SPAG16: variants seen among roughly 807,000 people sequenced by gnomAD.
SPAG16 encodes sperm associated antigen 16.
A neutral mutation model predicts 80.4 loss-of-function variants in SPAG16; 86 were observed. The observed-to-expected ratio is 1.07, with a 90% confidence interval of 0.90 to 1.28. The LOEUF (loss-of-function observed/expected upper bound fraction) is 1.28. Among genes scored for constraint, SPAG16 ranks in the 50% most tolerant of loss-of-function variants. The pLI is 0.00. For missense variants in SPAG16, 870 were observed against 765.3 expected (o/e 1.14, Z -1.61); for synonymous variants, 294 against 265.9 (o/e 1.11, Z -1.03).
At chr2:213,457,352 A>G (rs1274442521) in intron 9 of SPAG16, among the ~76,000 whole-genome samples, 1 of 152,196 alleles carries the variant, frequency 6.6e-6, no homozygotes, top group Non-Finnish European at 1.5e-5. Context: ...ATTTCTGTCT[A>G]TGTACTTCAG....
intron 15 of SPAG16, among the ~76,000 whole-genome samples, chr2:214,317,038 T>C (rs753364436): frequency 2.6e-5 from 4 of 152,164 alleles, no homozygotes; most frequent in Non-Finnish European, 4.4e-5. Context: ...AACAGTAACA[T>C]CCCCTTGTTA....
chr2:214,408,665 A>G (rs898831244), intron 15 of SPAG16, among the ~76,000 whole-genome samples: 3 of 152,178 alleles, frequency 2.0e-5, no homozygotes, highest in Non-Finnish European at 2.9e-5. Flanking sequence ...TAGAATTCTT[A>G]TTATAAAATG....
intron 9 of SPAG16, among the ~76,000 whole-genome samples, chr2:213,404,627 C>A (rs1384388235): frequency 6.6e-6 from 1 of 152,142 alleles, no homozygotes; most frequent in African/African-American, 2.4e-5. Flanking sequence ...CTAGGCAATA[C>A]CATTCAGGAC....
intron 10 of SPAG16, among the ~76,000 whole-genome samples, chr2:213,526,475 T>G (rs1214095941): frequency 6.6e-6 from 1 of 152,192 alleles, no homozygotes; most frequent in African/African-American, 2.4e-5. Context: ...TCTTTCCCCC[T>G]TGGAGATAGA....
chr2:214,363,386 T>G (rs979744848), intron 15 of SPAG16, among the ~76,000 whole-genome samples: 1 of 152,030 alleles, frequency 6.6e-6, no homozygotes, highest in Non-Finnish European at 1.5e-5. Context: ...AAGCAATATT[T>G]TCTCTTAGTT....
intron 15 of SPAG16, among the ~76,000 whole-genome samples, chr2:214,203,170 T>A (rs1464556648): frequency 1.3e-5 from 2 of 152,200 alleles, no homozygotes; most frequent in African/African-American, 4.8e-5. Flanking sequence ...GATAATTATA[T>A]CATGATAAAT....
At chr2:213,578,795 A>C (rs961427830) in intron 10 of SPAG16, among the ~76,000 whole-genome samples, 5 of 152,076 alleles carry the variant, frequency 3.3e-5, no homozygotes, top group Non-Finnish European at 5.9e-5. Context: ...GTTTTGAAAA[A>C]ATATTAAGGT....
rs574387798 is a variant in SPAG16, at chr2:214,220,781, G to A, written c.1720+71515G>A. Among the ~76,000 whole-genome samples the A allele has an allele frequency of 1.6e-4, 25 of 152,178 alleles. No individual in the cohort carries two copies. In the East Asian group the frequency reaches 4.4e-3, roughly 27 times the overall value. ...TTGAAGGGGCTTTTTTACTTAAAAC[G>A]TAATAAAATTAACATGGTTAAAATA... On this transcript the variant is annotated intron_variant, in intron 15 of 15. Coordinates refer to ENST00000331683, the MANE Select transcript of SPAG16 (RefSeq NM_024532.5).
At chr2:214,212,883 T>C (rs2058331077) in intron 15 of SPAG16, among the ~76,000 whole-genome samples, 1 of 152,254 alleles carries the variant, frequency 6.6e-6, no homozygotes, top group Admixed American at 6.5e-5. Context: ...GCCACATCTC[T>C]GTGCACAGCA....
In SPAG16 at chr2:214,185,213, AAAT is replaced by A. The variant is rs151125326; in HGVS notation, c.1720+35950_1720+35952del. Among the ~76,000 whole-genome samples the A allele has an allele frequency of 9.2e-3, 1,395 of 152,190 alleles. 16 individuals are homozygous for A. Among genetic ancestry groups the A allele is most frequent in the African/African-American group, 0.032 (1,320 of 41,546 alleles). On this transcript the variant is annotated intron_variant, in intron 15 of 15. Transcript: ENST00000331683. ...GTAATCTAACATAGACAATTCAAGA[AAAT>A]AACCTTTCTGAGCTTGGGTCTACCT...
At chr2:213,356,913 G>A (rs2065689980) in intron 7 of SPAG16, among the ~76,000 whole-genome samples, 1 of 152,138 alleles carries the variant, frequency 6.6e-6, no homozygotes, top group Non-Finnish European at 1.5e-5. Flanking sequence ...TCTACACACT[G>A]CTTTAAATGT....
chr2:213,553,690 A>G (rs1367194864), intron 10 of SPAG16, among the ~76,000 whole-genome samples: 1 of 152,132 alleles, frequency 6.6e-6, no homozygotes, highest in Non-Finnish European at 1.5e-5. Context: ...CTCTGTGACT[A>G]CAATAGGCGT....
At chr2:213,585,651 A>C (rs2060446710) in intron 10 of SPAG16, among the ~76,000 whole-genome samples, 1 of 152,200 alleles carries the variant, frequency 6.6e-6, no homozygotes, top group Non-Finnish European at 1.5e-5. Context: ...TAAACATATT[A>C]ATTTCATCCA....
intron 10 of SPAG16, among the ~76,000 whole-genome samples, chr2:213,504,536 A>G (rs778584292): frequency 6.6e-6 from 1 of 152,154 alleles, no homozygotes; most frequent in Non-Finnish European, 1.5e-5. Flanking sequence ...TATGCCTAGT[A>G]AACAAAAATA....
At chr2:213,371,413 A>G (rs1451713267) in intron 8 of SPAG16, among the ~76,000 whole-genome samples, 2 of 144,564 alleles carry the variant, frequency 1.4e-5, no homozygotes, top group East Asian at 2.0e-4. Flanking sequence ...AAAAAAAAAA[A>G]AAAAAGAAAA....
intron 14 of SPAG16, among the ~76,000 whole-genome samples, chr2:214,116,486 G>T (rs977890541): frequency 2.2e-4 from 33 of 152,096 alleles, no homozygotes; most frequent in Non-Finnish European, 4.4e-5. Context: ...GCTGGGAATT[G>T]CACACTCACG....
chr2:213,579,355 T>G (rs2060227683), intron 10 of SPAG16, among the ~76,000 whole-genome samples: 1 of 152,170 alleles, frequency 6.6e-6, no homozygotes, highest in Admixed American at 6.6e-5. Context: ...GGTGTGTGTC[T>G]TCAGGTCTCA....
At chr2:213,595,832 TAGC>T (rs2060868226) in intron 10 of SPAG16, among the ~76,000 whole-genome samples, 1 of 152,076 alleles carries the variant, frequency 6.6e-6, no homozygotes, top group African/African-American at 2.4e-5. Flanking sequence ...GAAAATTAGA[TAGC>T]AGTTTTTTTA....
intron 13 of SPAG16, among the ~76,000 whole-genome samples, chr2:214,029,009 A>G (rs2048276920): frequency 6.6e-6 from 1 of 152,086 alleles, no homozygotes; most frequent in South Asian, 2.1e-4. Context: ...ATAAAATAAG[A>G]AAAATAATGA....
Sources: gnomAD v4.1 joint callset for allele counts (sites outside exome capture counted in the v4.1 genomes callset) on GRCh38, gnomAD v4.1.1 for gene constraint, MANE v1.5 for transcripts, NCBI Gene and HGNC (gene_info 2026-07-23, HGNC 2026-07-21) for gene names.